The following FAM135B variants were observed in gnomAD, a reference collection of about 807,000 sequenced individuals.
The protein encoded by FAM135B is family with sequence similarity 135 member B.
Under a neutral mutation model 127.7 loss-of-function variants are expected in FAM135B, and 43 were observed. The ratio of observed to expected loss-of-function variants is 0.34; its 90% CI spans 0.26 to 0.43. The LOEUF (loss-of-function observed/expected upper bound fraction) is 0.43. Ranked by LOEUF, FAM135B falls within the 20% of genes least tolerant of loss-of-function variation. The probability of loss-of-function intolerance (pLI) is 1.00; values close to 1 mark genes in which losing one functional copy is unlikely to be tolerated. For synonymous variants in FAM135B, 670 were observed against 665.1 expected (o/e 1.01, Z -0.11); for missense variants, 1,558 against 1,725.6 (o/e 0.90, Z 1.72).
chr8:138,452,703 C>G (rs1174866035), intron 1 of FAM135B, among the ~76,000 whole-genome samples: 1 of 151,710 alleles, frequency 6.6e-6, no homozygotes, highest in Non-Finnish European at 1.5e-5. Context: ...ATCCTCTAGT[C>G]TAGGGTCTCT....
intron 5 of FAM135B, among the ~76,000 whole-genome samples, chr8:138,256,041 G>C (rs1822066229): frequency 6.6e-6 from 1 of 152,124 alleles, no homozygotes; most frequent in Non-Finnish European, 1.5e-5. Context: ...TTATACAATG[G>C]ATGAGGTTTA....
chr8:138,235,585 A>G (rs1270569690), intron 7 of FAM135B, among the ~76,000 whole-genome samples: 2 of 152,210 alleles, frequency 1.3e-5, no homozygotes, highest in Non-Finnish European at 2.9e-5. Flanking sequence ...GGTATAAGAG[A>G]ATAAGAAGAA....
chr8:138,176,267 G>A (rs4634693), intron 11 of FAM135B, among the ~76,000 whole-genome samples: 1 of 152,018 alleles, frequency 6.6e-6, no homozygotes, highest in Non-Finnish European at 1.5e-5. Context: ...CTCCACAATC[G>A]AAGGTTTACC....
chr8:138,319,493 T>C (rs1170519418), intron 2 of FAM135B, among the ~76,000 whole-genome samples: 1 of 152,154 alleles, frequency 6.6e-6, no homozygotes, highest in Non-Finnish European at 1.5e-5. Context: ...TTTGCTTAAA[T>C]TGTTGGAGAA....
chr8:138,427,688 T>C (rs1205388129), intron 1 of FAM135B, among the ~76,000 whole-genome samples: 5 of 152,216 alleles, frequency 3.3e-5, no homozygotes, highest in Middle Eastern at 3.4e-3. Flanking sequence ...TTATTAAGAG[T>C]AGATCTAAAC....
chr8:138,308,763 C>T (rs1263599449), intron 3 of FAM135B, among the ~76,000 whole-genome samples: 2 of 152,160 alleles, frequency 1.3e-5, no homozygotes, highest in Admixed American at 1.3e-4. Context: ...CTGCCAGCTC[C>T]AAAAGATGGC....
intron 3 of FAM135B, among the ~76,000 whole-genome samples, chr8:138,298,993 G>A (rs1825672166): frequency 6.6e-6 from 1 of 151,598 alleles, no homozygotes; most frequent in Admixed American, 6.6e-5. Flanking sequence ...CCGGGATGCG[G>A]AGGTTGCAAT....
At chr8:138,204,378 C>T (rs1233857501) in intron 7 of FAM135B, among the ~76,000 whole-genome samples, 1 of 152,190 alleles carries the variant, frequency 6.6e-6, no homozygotes, top group East Asian at 1.9e-4. Context: ...CCTCTCATTC[C>T]AATACTCCCT....
intron 1 of FAM135B, among the ~76,000 whole-genome samples, chr8:138,399,158 C>T (rs1587351215): frequency 1.3e-5 from 2 of 152,224 alleles, no homozygotes; most frequent in Admixed American, 1.3e-4. Context: ...GGGACAGTCT[C>T]AGTTAATATC....
chr8:138,275,597 A>C (rs1374875030), intron 3 of FAM135B, among the ~76,000 whole-genome samples: 1 of 152,036 alleles, frequency 6.6e-6, no homozygotes, highest in Non-Finnish European at 1.5e-5. Flanking sequence ...CAGAAAGCTG[A>C]GGTTGGAAGA....
chr8:138,205,453 C>A (rs1332700171), intron 7 of FAM135B, among the ~76,000 whole-genome samples: 2 of 152,152 alleles, frequency 1.3e-5, no homozygotes, highest in East Asian at 3.9e-4. Context: ...TAACTCAGGC[C>A]AGGGTCCAGG....
chr8:138,350,652 C>T (rs1397952347), intron 2 of FAM135B, among the ~76,000 whole-genome samples: 1 of 152,108 alleles, frequency 6.6e-6, no homozygotes, highest in African/African-American at 2.4e-5. Flanking sequence ...ACAGAAAAGG[C>T]CTTGATTAGG....
Position 138,152,774 on chromosome 8 carries a change from T to C in FAM135B, c.1701A>G (p.Glu567=), listed in dbSNP as rs2130781274. The change falls in exon 13 of 20, where the codon GAA becomes GAG. Residue 567 remains glutamate, a synonymous_variant. Transcript: ENST00000395297. Reference sequence around the variant, plus strand: ...GCTGAGCATTGAAGGCCACCAGGGGTTCAGCTCTGGAGGGGTTCTTATTGC... The same window carrying C: ...GCTGAGCATTGAAGGCCACCAGGGGCTCAGCTCTGGAGGGGTTCTTATTGC... ...KSSNKNPSRA[E]PLVAFNAQHE... The C allele has an allele frequency of 1.2e-6, 2 of 1,614,178 alleles. No individual in the cohort carries two copies. Among genetic ancestry groups the C allele is most frequent in the Non-Finnish European group, 1.7e-6 (2 of 1,180,026 alleles).
At chr8:138,436,634 G>A (rs1835472240) in intron 1 of FAM135B, among the ~76,000 whole-genome samples, 1 of 152,166 alleles carries the variant, frequency 6.6e-6, no homozygotes, top group African/African-American at 2.4e-5. Context: ...TCTTTACACA[G>A]CATGTCAACA....
At chr8:138,160,950 A>G (rs887144363) in intron 12 of FAM135B, among the ~76,000 whole-genome samples, 8 of 152,216 alleles carry the variant, frequency 5.3e-5, no homozygotes, top group African/African-American at 1.7e-4. Context: ...CTGATTTTCA[A>G]TTCTGACATT....
At position 138,321,830 on chromosome 8, in the gene FAM135B, G is replaced by T. The variant is rs553968100; in HGVS notation, c.78-10910C>A. Among the ~76,000 whole-genome samples, 11 of 152,282 alleles carry T rather than the reference G, an allele frequency of 7.2e-5. No homozygotes were observed. In the South Asian group the frequency reaches 2.3e-3, roughly 32 times the overall value. On this transcript the variant is annotated intron_variant, in intron 2 of 19. Coordinates refer to ENST00000395297, the MANE Select transcript of FAM135B (RefSeq NM_015912.4). Reference sequence around the variant, plus strand: ...GCATCACACTTGTCACATGATAATGGAATGACTCCCCTCTTTCTGTCTGTT... The same window carrying T: ...GCATCACACTTGTCACATGATAATGTAATGACTCCCCTCTTTCTGTCTGTT...
intron 2 of FAM135B, among the ~76,000 whole-genome samples, chr8:138,314,725 T>TAAATAAATAAATAAATAAATAAATA (rs766795967): frequency 0.075 from 3,642 of 48,662 alleles, 97 homozygotes; most frequent in East Asian, 0.17. Context: ...ATAAATAAAT[T>TAAATAAATAAATAAATAAATAAATA]AGCTGGGTGT....
intron 6 of FAM135B, among the ~76,000 whole-genome samples, chr8:138,246,714 G>C (rs1445031107): frequency 6.6e-6 from 1 of 152,182 alleles, no homozygotes; most frequent in African/African-American, 2.4e-5. Context: ...CTGCCTAATG[G>C]AGCTATGAGA....
intron 5 of FAM135B, among the ~76,000 whole-genome samples, chr8:138,255,084 C>T (rs1821974066): frequency 7.1e-6 from 1 of 140,370 alleles, no homozygotes; most frequent in African/African-American, 2.7e-5. Flanking sequence ...GGCTGGAGTG[C>T]AGTGGTACAA....
Sources: allele counts gnomAD v4.1 joint callset (sites outside exome capture counted in the v4.1 genomes callset), GRCh38; gene constraint gnomAD v4.1.1; transcripts MANE v1.5; gene names NCBI Gene and HGNC (gene_info 2026-07-23, HGNC 2026-07-21).